Variants in DPY19L2 observed in about 807,000 individuals in gnomAD.
DPY19L2 encodes probable C-mannosyltransferase DPY19L2.
Under a neutral mutation model 97.9 loss-of-function variants are expected in DPY19L2, and 34 were observed. The ratio of observed to expected loss-of-function variants is 0.35; its 90% CI spans 0.26 to 0.46. The LOEUF (loss-of-function observed/expected upper bound fraction) is 0.46, where lower values mean the gene tolerates loss of function less well. Ranked by LOEUF, DPY19L2 falls within the 20% of genes least tolerant of loss-of-function variation. The pLI, the probability that DPY19L2 is intolerant of heterozygous loss-of-function variation, is 1.00. For missense variants in DPY19L2, 623 were observed against 911.4 expected, an observed-to-expected ratio of 0.68 and a Z score of 4.07; for synonymous variants, 230 against 307.9, an observed-to-expected ratio of 0.75 and a Z score of 2.65.
chr12:63,634,568 C>T (rs547736456), intron 6 of DPY19L2, among the ~76,000 whole-genome samples: 28 of 152,216 alleles, frequency 1.8e-4, no homozygotes, highest in Admixed American at 7.9e-4. Flanking sequence ...CTGGAAAATC[C>T]GGACACTCCC....
chr12:63,582,767 G>T (rs1263404735), intron 17 of DPY19L2, among the ~76,000 whole-genome samples: 1 of 152,080 alleles, frequency 6.6e-6, no homozygotes, highest in Non-Finnish European at 1.5e-5. Context: ...ATTTAGTAAT[G>T]AAAGACAGAC....
At position 63,668,441 on chromosome 12, in the gene DPY19L2, C is replaced by T. The variant is rs1896599536; in HGVS notation, c.-48G>A. ...GGGTCAATTTCAGGCACAGCCCAGC[C>T]GAGTCAGGCGAGGTCCAGAGAGACC... On this transcript the variant is annotated 5_prime_UTR_variant, in exon 1 of 22. Transcript: ENST00000324472. The T allele has an allele frequency of 6.6e-7, 1 of 1,506,230 alleles. No individual in the cohort carries two copies. The highest frequency in any genetic ancestry group is 1.4e-5 in the African/African-American group (1 of 72,398). 93.3% of individuals were successfully genotyped at this position (1,506,230 alleles called of 1,614,324 possible).
chr12:63,668,744 T>G (rs1896632635), upstream of DPY19L2: 2 of 294,050 alleles, frequency 6.8e-6, no homozygotes, highest in Non-Finnish European at 1.3e-5. Flanking sequence ...CAAGCCCACA[T>G]GCGCAGTCCT....
intron 12 of DPY19L2, among the ~76,000 whole-genome samples, chr12:63,605,451 G>A (rs185940749): frequency 2.6e-5 from 4 of 152,256 alleles, no homozygotes; most frequent in East Asian, 1.9e-4. Flanking sequence ...GCGTTCTGAG[G>A]TACCTAACTA....
intron 11 of DPY19L2, among the ~76,000 whole-genome samples, chr12:63,612,603 T>A (rs1185181287): frequency 1.7e-4 from 23 of 134,002 alleles, no homozygotes; most frequent in South Asian, 4.9e-4. Flanking sequence ...TTTATACCTT[T>A]AAAAAAAAAA....
Position 63,617,568 on chromosome 12 carries a change from C to T in DPY19L2, c.1132-178G>A, listed in dbSNP as rs538364424. ...GATTCTAAGTATTAAAATTCAAGACCATAAACTCTATCTGGCAGAATTTAA... is the reference window on the plus strand; with the variant it reads ...GATTCTAAGTATTAAAATTCAAGACTATAAACTCTATCTGGCAGAATTTAA... On this transcript the variant is annotated intron_variant, in intron 10 of 21. Coordinates refer to ENST00000324472, the MANE Select transcript of DPY19L2 (RefSeq NM_173812.5). Among the ~76,000 whole-genome samples the T allele has an allele frequency of 5.3e-5, 8 of 152,012 alleles. No individual in the cohort carries two copies. The South Asian group carries it at 1.0e-3, about 20-fold the overall frequency.
At position 63,560,129 on chromosome 12, in the gene DPY19L2, G is replaced by C. The variant is rs1218812179; in HGVS notation, c.*383C>G. ...ATTCTTCTGCCTTAAGTGGTTCAAA[G>C]AGTTTGAGGAGGTACCCTCTGGTAC... On this transcript the variant is annotated 3_prime_UTR_variant, in exon 22 of 22. Transcript: ENST00000324472. 1 of 163,506 alleles carries C rather than the reference G, an allele frequency of 6.1e-6. No individual in the cohort carries two copies. The highest frequency in any genetic ancestry group is 1.7e-4 in the East Asian group (1 of 5,728). The allele number at this position is 163,506 out of a possible 1,614,324, so 10.1% of individuals were successfully genotyped here.
intron 4 of DPY19L2, 31 bp from the exon 5 acceptor site, chr12:63,647,396 G>C: frequency 8.7e-7 from 1 of 1,146,708 alleles, no homozygotes; most frequent in Non-Finnish European, 1.2e-6. Flanking sequence ...AGAGATAATT[G>C]AGGTAAATAC....
chr12:63,660,364 T>C (rs1895522106), intron 4 of DPY19L2, among the ~76,000 whole-genome samples: 1 of 151,576 alleles, frequency 6.6e-6, no homozygotes, highest in Non-Finnish European at 1.5e-5. Context: ...AAAAATACAA[T>C]TTTGAAGAAA....
At chr12:63,636,897 A>G (rs55902086) in intron 6 of DPY19L2, among the ~76,000 whole-genome samples, 12,267 of 152,132 alleles carry the variant, frequency 0.081, 774 homozygotes, top group African/African-American at 0.17. Flanking sequence ...GTTAACAAGG[A>G]TATCCAGGAA....
intron 21 of DPY19L2, among the ~76,000 whole-genome samples, chr12:63,568,921 C>T (rs994432565): frequency 4.6e-5 from 7 of 151,546 alleles, no homozygotes; most frequent in African/African-American, 1.7e-4. Context: ...AAATTCAAAT[C>T]CATATTTCAG....
At position 63,665,113 on chromosome 12, in the gene DPY19L2, A is replaced by C. The variant is rs571392222; in HGVS notation, c.362+722T>G. Among the ~76,000 whole-genome samples, 3 of 152,334 alleles carry C rather than the reference A, an allele frequency of 2.0e-5. No individual in the cohort carries two copies. The East Asian group carries it at 5.8e-4, about 29-fold the overall frequency. ...CCATTTAACTCTGTACACCCACTGC[A>C]GAATCTTTATCTTCTTTTTTACCTG... On this transcript the variant is annotated intron_variant, in intron 2 of 21. Transcript: ENST00000324472.
intron 13 of DPY19L2, among the ~76,000 whole-genome samples, chr12:63,598,945 G>C (rs1224442807): frequency 6.6e-6 from 1 of 151,628 alleles, no homozygotes; most frequent in Non-Finnish European, 1.5e-5. Flanking sequence ...GGCCCAGGCA[G>C]GCGGATCACT....
At position 63,663,797 on chromosome 12, in the gene DPY19L2, G is replaced by A. The variant is rs768784488; in HGVS notation, c.411C>T (p.Leu137=). ...LFENDRHFSH[L]SSLEREMTFR... ...AAGTCATCTCCCGTTCCAAAGATGA[G>A]AGGTGAGAGAAATGACGATCATTTT... Residue 137 remains leucine, a synonymous_variant, in exon 3 of 22, where the codon CTC becomes CTT. Transcript: ENST00000324472. 9.3e-6 allele frequency: 15 copies of A among 1,606,110 alleles called. No homozygotes were observed. The highest frequency in any genetic ancestry group is 1.2e-5 in the Non-Finnish European group (14 of 1,177,994).
At chr12:63,610,706 A>G (rs1172068122) in intron 11 of DPY19L2, among the ~76,000 whole-genome samples, 1 of 150,978 alleles carries the variant, frequency 6.6e-6, no homozygotes, top group Non-Finnish European at 1.5e-5. Flanking sequence ...ATTCACACCA[A>G]TCCTTCTCAA....
At chr12:63,589,439 C>T (rs1882498992) in intron 16 of DPY19L2, among the ~76,000 whole-genome samples, 1 of 96,212 alleles carries the variant, frequency 1.0e-5, no homozygotes, top group Non-Finnish European at 2.2e-5. Flanking sequence ...AAGAGACAAT[C>T]TAAAACAGAC....
intron 14 of DPY19L2, 21 bp from the exon 15 acceptor site, chr12:63,596,058 C>T (rs1884179634): frequency 6.3e-7 from 1 of 1,579,626 alleles, no homozygotes; most frequent in Admixed American, 1.8e-5. Context: ...CCAAATTATT[C>T]AAAATGGTTA....
chr12:63,658,232 C>T (rs963509049), intron 4 of DPY19L2, among the ~76,000 whole-genome samples: 17 of 152,140 alleles, frequency 1.1e-4, no homozygotes, highest in South Asian at 4.1e-4. Context: ...TGGTGGCTCA[C>T]GCCTGTAATC....
chr12:63,637,579 A>C (rs1891953492), intron 6 of DPY19L2, among the ~76,000 whole-genome samples: 1 of 152,194 alleles, frequency 6.6e-6, no homozygotes, highest in Non-Finnish European at 1.5e-5. Flanking sequence ...GAATTCTATA[A>C]ACACCTCTAC....
Sources: allele counts gnomAD v4.1 joint callset (sites outside exome capture counted in the v4.1 genomes callset), GRCh38; gene constraint gnomAD v4.1.1; transcripts MANE v1.5; gene names NCBI Gene and HGNC (gene_info 2026-07-23, HGNC 2026-07-21).